PCDHA2: variants seen among roughly 807,000 people sequenced by gnomAD.
PCDHA2 encodes the protein protocadherin alpha 2.
A neutral mutation model predicts 66.0 loss-of-function variants in PCDHA2; 58 were observed. That is an observed-to-expected ratio of 0.88 (90% CI 0.71 to 1.09). The LOEUF is 1.09. Among genes scored for constraint, PCDHA2 ranks in the 50% least tolerant of loss-of-function variants. PCDHA2 has a pLI of 0.00. For missense variants in PCDHA2, 1,267 were observed against 1,242.3 expected (o/e 1.02, Z -0.30); for synonymous variants, 634 against 554.0 (o/e 1.14, Z -2.03).
In PCDHA2 at chr5:141,010,237, G is replaced by C; in HGVS notation, c.*300G>C. 2.6e-6 allele frequency: 4 copies of C among 1,551,914 alleles called. No individual in the cohort carries two copies. The highest frequency in any genetic ancestry group is 3.5e-6 in the Non-Finnish European group (4 of 1,147,042). On this transcript the variant is annotated 3_prime_UTR_variant, in exon 4 of 4. Coordinates refer to ENST00000526136, the MANE Select transcript of PCDHA2 (RefSeq NM_018905.3). ...AGAGGCTTCCCAGCCCCGCCAGTGA[G>C]AGGTTGGACTCTCTGCCCTGTGCTC...
chr5:140,865,652 A>G (rs1413896571), intron 1 of PCDHA2: 1 of 152,206 alleles, frequency 6.6e-6, no homozygotes, highest in Non-Finnish European at 1.5e-5. Context: ...ACATTATTTC[A>G]TTTAATACTT....
At chr5:140,967,221 A>G (rs1198233262) in intron 1 of PCDHA2, 3 of 1,613,620 alleles carry the variant, frequency 1.9e-6, no homozygotes, top group African/African-American at 1.3e-5. Context: ...CCGCGGCCCA[A>G]CTACCAGCTT....
At chr5:140,857,704 G>T in intron 1 of PCDHA2, 1 of 1,597,424 alleles carries the variant, frequency 6.3e-7, no homozygotes, top group Admixed American at 1.7e-5. Flanking sequence ...CGCTGCAGGT[G>T]TTCGTGCTGG....
chr5:140,924,052 A>G (rs948483906), intron 1 of PCDHA2, among the ~76,000 whole-genome samples: 1 of 152,244 alleles, frequency 6.6e-6, no homozygotes, highest in Non-Finnish European at 1.5e-5. Context: ...AGTTCGGTAC[A>G]TCTTTACAGT....
chr5:140,857,951 G>A (rs569786768), intron 1 of PCDHA2: 8 of 1,597,390 alleles, frequency 5.0e-6, no homozygotes, highest in East Asian at 4.5e-5. Flanking sequence ...TACGACGCGC[G>A]CTCTGGATGA....
At chr5:140,961,193 G>C (rs1297758288) in intron 1 of PCDHA2, among the ~76,000 whole-genome samples, 1 of 152,124 alleles carries the variant, frequency 6.6e-6, no homozygotes, top group Non-Finnish European at 1.5e-5. Context: ...CAGGACCCTA[G>C]TGAGGTTGGT....
rs868983701 is a variant in PCDHA2 at position 140,797,000 on chromosome 5, C to A, written c.2036C>A (p.Ser679Ter). 3.1e-6 allele frequency: 5 copies of A among 1,613,638 alleles called. No homozygotes were observed. Among genetic ancestry groups the A allele is most frequent in the Non-Finnish European group, 4.2e-6 (5 of 1,179,944 alleles). Residue 679 changes from serine to a stop codon, truncating the protein, a stop_gained, in exon 1 of 4, where the codon TCG (serine) becomes TAG (stop). Coordinates refer to ENST00000526136, the MANE Select transcript of PCDHA2 (RefSeq NM_018905.3). LOFTEE classifies it high-confidence loss of function. The part of the protein sequence containing the change: ...LVESGQAPKA[S>*]SRAWVGAAGS... ...GAAAGTGGCCAGGCACCCAAGGCCT[C>A]GTCGCGGGCGTGGGTGGGCGCCGCG...
At chr5:141,009,450 A>G (rs1272306412) in intron 3 of PCDHA2, among the ~76,000 whole-genome samples, 177 bp from the exon 4 acceptor site, 1 of 152,250 alleles carries the variant, frequency 6.6e-6, no homozygotes, top group Non-Finnish European at 1.5e-5. Context: ...TCTCAAAAAA[A>G]TTAAACAAAT....
At chr5:140,830,003 G>T (rs1554132452) in intron 1 of PCDHA2, 5 of 1,613,852 alleles carry the variant, frequency 3.1e-6, no homozygotes, top group Non-Finnish European at 4.2e-6. Flanking sequence ...TCGTGTCCTG[G>T]ACGAAGCGGA....
At chr5:140,881,382 C>T (rs1312033271) in intron 1 of PCDHA2, 2 of 983,994 alleles carry the variant, frequency 2.0e-6, no homozygotes, top group Non-Finnish European at 2.4e-6. Flanking sequence ...CAGCCGGCGG[C>T]GGTAAGTTAA....
At chr5:140,803,515 G>C (rs782173902) in intron 1 of PCDHA2, 22 of 1,614,242 alleles carry the variant, frequency 1.4e-5, no homozygotes, top group Non-Finnish European at 1.9e-5. Context: ...ATGGCTTTTA[G>C]CCCTAGCCTT....
At chr5:140,836,291 C>G (rs1774343401) in intron 1 of PCDHA2, 2 of 1,613,720 alleles carry the variant, frequency 1.2e-6, no homozygotes. Context: ...CGACACGAGC[C>G]CTAGATGAGA....
At chr5:140,945,761 G>T (rs2093839627) in intron 1 of PCDHA2, among the ~76,000 whole-genome samples, 1 of 152,118 alleles carries the variant, frequency 6.6e-6, no homozygotes, top group East Asian at 1.9e-4. Flanking sequence ...AATGGTGGTG[G>T]GACAATTTGA....
chr5:140,908,763 G>A (rs1159029668), intron 1 of PCDHA2, among the ~76,000 whole-genome samples: 5 of 152,284 alleles, frequency 3.3e-5, no homozygotes, highest in East Asian at 3.9e-4. Context: ...CAGCCTGGAC[G>A]TGTTGTAGAG....
At chr5:140,836,327 G>C in intron 1 of PCDHA2, 1 of 1,613,772 alleles carries the variant, frequency 6.2e-7, no homozygotes, top group Non-Finnish European at 8.5e-7. Flanking sequence ...ACCGCCTTCT[G>C]GTGCTTGTGA....
intron 1 of PCDHA2, chr5:140,857,871 A>G (rs2044971374): frequency 6.3e-7 from 1 of 1,597,628 alleles, no homozygotes. Flanking sequence ...TGGCTGTCGT[A>G]TGAATTGCAG....
intron 1 of PCDHA2, chr5:140,842,086 A>G: frequency 1.2e-6 from 2 of 1,613,926 alleles, no homozygotes; most frequent in Non-Finnish European, 1.7e-6. Flanking sequence ...TCGAAAACGC[A>G]GACAACGGAA....
intron 1 of PCDHA2, among the ~76,000 whole-genome samples, chr5:140,934,224 AT>A: frequency 6.6e-6 from 1 of 152,246 alleles, no homozygotes. Context: ...TGTTTAAAAG[AT>A]TTGTACTTAA....
intron 1 of PCDHA2, chr5:140,829,661 G>T: frequency 1.2e-6 from 2 of 1,612,716 alleles, no homozygotes; most frequent in Non-Finnish European, 1.7e-6. Flanking sequence ...GCAGCCGCTG[G>T]ACCACGAGGA....
Sources: allele counts gnomAD v4.1 joint callset (sites outside exome capture counted in the v4.1 genomes callset), GRCh38; gene constraint gnomAD v4.1.1; transcripts MANE v1.5; gene names NCBI Gene and HGNC (gene_info 2026-07-23, HGNC 2026-07-21).